The following TUSC3 variants were observed in gnomAD, a reference collection of about 807,000 sequenced individuals.
The protein encoded by TUSC3 is tumor suppressor candidate 3.
TUSC3 carries 45 observed loss-of-function variants against 44.8 expected under a neutral mutation model. The ratio of observed to expected loss-of-function variants is 1.00; its 90% CI spans 0.79 to 1.29. The LOEUF is 1.29. TUSC3 is among the 50% of genes most tolerant of loss of function. The pLI, the probability that TUSC3 is intolerant of heterozygous loss-of-function variation, is 0.00. For missense variants in TUSC3, 519 were observed against 437.9 expected, an observed-to-expected ratio of 1.19 and a Z score of -1.65; for synonymous variants, 212 against 152.9, an observed-to-expected ratio of 1.39 and a Z score of -2.85.
intron 1 of TUSC3, among the ~76,000 whole-genome samples, chr8:15,434,690 C>T (rs1799922812): frequency 6.6e-6 from 1 of 151,878 alleles, no homozygotes; most frequent in Non-Finnish European, 1.5e-5. Flanking sequence ...CACGACTTCC[C>T]CCACCCCACA....
chr8:15,680,691 T>C (rs1285712045), intron 6 of TUSC3, among the ~76,000 whole-genome samples: 2 of 152,112 alleles, frequency 1.3e-5, no homozygotes, highest in Admixed American at 1.3e-4. Flanking sequence ...GGTTCCAGCT[T>C]TTGCCTCCTG....
chr8:15,842,364 C>T, the TUSC3 span, among the ~76,000 whole-genome samples: 1 of 152,198 alleles, frequency 6.6e-6, no homozygotes, highest in Non-Finnish European at 1.5e-5. Context: ...TATGCTCACA[C>T]TGTGAAGATT....
chr8:15,673,803 A>G lies in TUSC3; in HGVS notation c.765A>G (p.Pro255=), dbSNP rs373066621. 1.6e-5 allele frequency: 25 copies of G among 1,612,708 alleles called. No homozygotes were observed. The highest frequency in any genetic ancestry group is 2.0e-5 in the Non-Finnish European group (23 of 1,179,130). Residue 255 remains proline, a synonymous_variant, in exon 6 of 11, where the codon CCA becomes CCG. Transcript: ENST00000503731. ...TGTGGAACCATATCCGTGGACCTCC[A>G]TATGCTCATAAGAACCCACACAATG... ...GQMWNHIRGP[P]YAHKNPHNGQ... is the part of the protein sequence containing the mutation.
At chr8:15,673,192 G>A (rs532059390) in intron 5 of TUSC3, among the ~76,000 whole-genome samples, 2 of 152,010 alleles carry the variant, frequency 1.3e-5, no homozygotes, top group South Asian at 2.1e-4. Flanking sequence ...TAATCTTTGC[G>A]AGTTATTCCT....
intron 6 of TUSC3, among the ~76,000 whole-genome samples, chr8:15,677,323 G>A (rs976665327): frequency 3.9e-5 from 6 of 152,112 alleles, no homozygotes; most frequent in Admixed American, 3.9e-4. Flanking sequence ...CTTTTACTAT[G>A]CGTTAGTAAA....
intron 3 of TUSC3, among the ~76,000 whole-genome samples, chr8:15,658,839 T>C (rs1338718697): frequency 2.0e-5 from 3 of 152,052 alleles, no homozygotes; most frequent in African/African-American, 4.8e-5. Flanking sequence ...ACTTTTCAAA[T>C]GGAAATTACC....
At position 15,592,509 on chromosome 8, in the gene TUSC3, G is replaced by T. The variant is rs141993066; in HGVS notation, c.139-30571G>T. ...GAGTTCTCATTGTTGGTTCATGTGA[G>T]AGCTGGTTGTTTAAAGGAGCCTGCC... On this transcript the variant is annotated intron_variant, in intron 1 of 10. Transcript: ENST00000503731. 4.6e-5 allele frequency among the ~76,000 whole-genome samples: 7 copies of T among 152,176 alleles called. No homozygotes were observed. The East Asian group carries it at 1.4e-3, about 30-fold the overall frequency.
rs556369235 is a variant in TUSC3 at position 15,710,087 on chromosome 8, T to C, written c.799-20579T>C. Among the ~76,000 whole-genome samples, 12 of 151,884 alleles carry C rather than the reference T, an allele frequency of 7.9e-5. No individual in the cohort carries two copies. In the East Asian group the frequency reaches 2.1e-3, roughly 27 times the overall value. ...TATACTGTTTTTTACCTTAGTGCGCTCCCCTCCCTGCCCTTTTCGGAGTCC... is the reference window on the plus strand; with the variant it reads ...TATACTGTTTTTTACCTTAGTGCGCCCCCCTCCCTGCCCTTTTCGGAGTCC... On this transcript the variant is annotated intron_variant, in intron 6 of 10. Transcript: ENST00000503731.
At chr8:15,832,557 C>A in the TUSC3 span, among the ~76,000 whole-genome samples, 1 of 152,130 alleles carries the variant, frequency 6.6e-6, no homozygotes, top group East Asian at 1.9e-4. Context: ...TGCAATGACA[C>A]CAACAGGCTC....
At chr8:15,772,041 A>G in the TUSC3 span, among the ~76,000 whole-genome samples, 1 of 152,158 alleles carries the variant, frequency 6.6e-6, no homozygotes, top group African/African-American at 2.4e-5. Context: ...GTGAGCCAGG[A>G]TCGCGCCACT....
chr8:15,618,977 G>C (rs1283628905), intron 1 of TUSC3, among the ~76,000 whole-genome samples: 2 of 152,196 alleles, frequency 1.3e-5, no homozygotes, highest in African/African-American at 4.8e-5. Flanking sequence ...CTGTATTTCT[G>C]TGGGTTTTGG....
chr8:15,839,998 C>G, the TUSC3 span, among the ~76,000 whole-genome samples: 1 of 152,118 alleles, frequency 6.6e-6, no homozygotes, highest in Non-Finnish European at 1.5e-5. Context: ...CAATGATAGA[C>G]TGGATTAAGA....
chr8:15,847,664 C>T, the TUSC3 span, among the ~76,000 whole-genome samples: 150 of 152,204 alleles, frequency 9.9e-4, no homozygotes, highest in African/African-American at 3.5e-3. Context: ...GCTTTGTGAT[C>T]TTCACAATAT....
At chr8:15,507,476 G>C (rs1801072399) in intron 2 of TUSC3, among the ~76,000 whole-genome samples, 1 of 151,992 alleles carries the variant, frequency 6.6e-6, no homozygotes, top group Non-Finnish European at 1.5e-5. Flanking sequence ...ACATGGAAAA[G>C]CATCTTTTTT....
intron 6 of TUSC3, among the ~76,000 whole-genome samples, chr8:15,715,100 C>T (rs533090212): frequency 6.6e-6 from 1 of 151,918 alleles, no homozygotes; most frequent in South Asian, 2.1e-4. Flanking sequence ...TCTTTTTTTT[C>T]CTGTTCTGAT....
At chr8:15,575,336 A>G (rs115192789) in intron 1 of TUSC3, among the ~76,000 whole-genome samples, 3,191 of 152,280 alleles carry the variant, frequency 0.021, 103 homozygotes, top group African/African-American at 0.071. Context: ...TTATTTTGCA[A>G]TGATATTCAA....
rs531549922 is a variant in TUSC3, at chr8:15,599,933, C to A, written c.139-23147C>A. ...TCCAAATAAACTTTGTCTATCATCA[C>A]TTATTAGTTCCAATAGGTTTCTTGT... On this transcript the variant is annotated intron_variant, in intron 1 of 10. Coordinates refer to ENST00000503731, the MANE Select transcript of TUSC3 (RefSeq NM_006765.4). Among the ~76,000 whole-genome samples the A allele has an allele frequency of 9.3e-4, 141 of 151,748 alleles. 2 individuals carry two copies. The highest frequency in any genetic ancestry group is 3.3e-3 in the African/African-American group (138 of 41,490).
the TUSC3 span, among the ~76,000 whole-genome samples, chr8:15,816,484 A>C: frequency 6.6e-6 from 1 of 152,172 alleles, no homozygotes; most frequent in African/African-American, 2.4e-5. Context: ...GACAAGAAAG[A>C]TATTTGAAGC....
chr8:15,444,392 G>C (rs1800064249), intron 1 of TUSC3, among the ~76,000 whole-genome samples: 1 of 152,170 alleles, frequency 6.6e-6, no homozygotes, highest in South Asian at 2.1e-4. Context: ...GGAATTTATA[G>C]CCAAGGAGTG....
Sources: allele counts gnomAD v4.1 joint callset (sites outside exome capture counted in the v4.1 genomes callset), GRCh38; gene constraint gnomAD v4.1.1; transcripts MANE v1.5; gene names NCBI Gene and HGNC (gene_info 2026-07-23, HGNC 2026-07-21).